The following AFF3 variants were observed in gnomAD, a reference collection of about 807,000 sequenced individuals.
AFF3 encodes AF4/FMR2 family member 3.
AFF3 carries 32 observed loss-of-function variants against 129.7 expected under a neutral mutation model. The ratio of observed to expected loss-of-function variants is 0.25; its 90% confidence interval spans 0.19 to 0.33. AFF3 has a LOEUF of 0.33. Ranked by LOEUF, AFF3 falls within the 10% of genes least tolerant of loss-of-function variation. The pLI is 1.00. For missense variants in AFF3, 1,373 were observed against 1,592.0 expected (o/e 0.86, Z 2.34); for synonymous variants, 644 against 635.4 (o/e 1.01, Z -0.20).
At chr2:99,710,946 C>T (rs993612257) in intron 11 of AFF3, among the ~76,000 whole-genome samples, 2 of 152,122 alleles carry the variant, frequency 1.3e-5, no homozygotes, top group Non-Finnish European at 2.9e-5. Flanking sequence ...GCCAGCTACT[C>T]GGAATGTCAG....
chr2:100,119,879 T>A (rs1002198575), intron 2 of AFF3, among the ~76,000 whole-genome samples: 2 of 152,190 alleles, frequency 1.3e-5, no homozygotes, highest in African/African-American at 4.8e-5. Context: ...TTTGAAGGAA[T>A]GTCTAACAGT....
chr2:99,909,857 T>C (rs1694995159), intron 7 of AFF3, among the ~76,000 whole-genome samples: 1 of 152,188 alleles, frequency 6.6e-6, no homozygotes, highest in Non-Finnish European at 1.5e-5. Context: ...CCTATCTTTA[T>C]GCAGTTGTGA....
intron 8 of AFF3, among the ~76,000 whole-genome samples, chr2:99,770,495 A>C (rs542318126): frequency 6.6e-6 from 1 of 152,286 alleles, no homozygotes; most frequent in East Asian, 1.9e-4. Flanking sequence ...CCAAGCTGGT[A>C]CCTAAGGTGC....
At chr2:99,714,783 A>G (rs926334714) in intron 11 of AFF3, among the ~76,000 whole-genome samples, 1 of 152,212 alleles carries the variant, frequency 6.6e-6, no homozygotes, top group Non-Finnish European at 1.5e-5. Context: ...TTTAGCACAC[A>G]ATTGTTCCTC....
chr2:100,133,606 C>T (rs915648810), intron 1 of AFF3, among the ~76,000 whole-genome samples: 1 of 152,116 alleles, frequency 6.6e-6, no homozygotes, highest in Admixed American at 6.6e-5. Flanking sequence ...GTGCCTGGCT[C>T]TCATGTACTA....
intron 7 of AFF3, among the ~76,000 whole-genome samples, chr2:99,952,590 T>C (rs1676267775): frequency 6.6e-6 from 1 of 152,216 alleles, no homozygotes; most frequent in African/African-American, 2.4e-5. Context: ...TGTGTTATTA[T>C]TTCTAGGCTT....
intron 8 of AFF3, among the ~76,000 whole-genome samples, chr2:99,827,609 G>T (rs1576115540): frequency 6.6e-6 from 1 of 151,394 alleles, no homozygotes; most frequent in South Asian, 2.1e-4. Context: ...TAGTTAGGAA[G>T]GAAGAAAGAG....
chr2:100,052,743 T>G (rs142080860), intron 4 of AFF3, among the ~76,000 whole-genome samples: 2 of 152,248 alleles, frequency 1.3e-5, no homozygotes, highest in East Asian at 3.9e-4. Flanking sequence ...TATGTCCAGA[T>G]AGAACACTGC....
chr2:99,977,854 C>T (rs1036797157), intron 7 of AFF3, among the ~76,000 whole-genome samples: 1 of 152,216 alleles, frequency 6.6e-6, no homozygotes, highest in African/African-American at 2.4e-5. Flanking sequence ...ACCTCATCTG[C>T]AATGCATGCC....
intron 4 of AFF3, among the ~76,000 whole-genome samples, chr2:100,076,938 T>C (rs1164963351): frequency 6.6e-6 from 1 of 152,124 alleles, no homozygotes; most frequent in Non-Finnish European, 1.5e-5. Context: ...CTTAAGAGAC[T>C]GTGCAGATGT....
intron 7 of AFF3, among the ~76,000 whole-genome samples, chr2:99,983,285 C>A (rs938111838): frequency 5.3e-5 from 8 of 152,166 alleles, no homozygotes; most frequent in Admixed American, 5.2e-4. Context: ...CTTCATCTAG[C>A]CCATTTGCTC....
At chr2:100,016,887 ATGGTGGTGG>A in intron 4 of AFF3, among the ~76,000 whole-genome samples, 1 of 148,982 alleles carries the variant, frequency 6.7e-6, no homozygotes, top group South Asian at 2.2e-4. Context: ...ACTGATGGTG[ATGGTGGTGG>A]TGGTGATGAT....
chr2:99,662,043 G>C (rs11123791), intron 12 of AFF3, among the ~76,000 whole-genome samples: 1 of 151,798 alleles, frequency 6.6e-6, no homozygotes, highest in Non-Finnish European at 1.5e-5. Flanking sequence ...AGGAGGCTGA[G>C]GCAGGAGAAT....
At chr2:99,792,965 C>T (rs1377222076) in intron 8 of AFF3, among the ~76,000 whole-genome samples, 1 of 152,178 alleles carries the variant, frequency 6.6e-6, no homozygotes, top group East Asian at 1.9e-4. Context: ...ATTTCTTCCT[C>T]AACCGGTAAC....
intron 4 of AFF3, among the ~76,000 whole-genome samples, chr2:100,039,297 G>A (rs370269616): frequency 5.3e-5 from 8 of 152,160 alleles, no homozygotes; most frequent in Admixed American, 3.9e-4. Context: ...AGTGGCTCTG[G>A]CCTATAGACT....
chr2:99,846,579 GACAA>G (rs1220977831), intron 7 of AFF3, among the ~76,000 whole-genome samples: 5 of 152,328 alleles, frequency 3.3e-5, no homozygotes, highest in African/African-American at 7.2e-5. Flanking sequence ...AAGCTTGCAA[GACAA>G]ACAGAGTAAT....
chr2:100,016,803 G>A (rs2104828779), intron 4 of AFF3, among the ~76,000 whole-genome samples: 1 of 150,864 alleles, frequency 6.6e-6, no homozygotes, highest in African/African-American at 2.4e-5. Context: ...AATGGTGATG[G>A]CAGTGATGCT....
intron 13 of AFF3, among the ~76,000 whole-genome samples, chr2:99,627,208 T>A (rs961006187): frequency 6.6e-6 from 1 of 152,198 alleles, no homozygotes; most frequent in African/African-American, 2.4e-5. Context: ...TGTATAACGT[T>A]CCTTTTTCTC....
chr2:100,079,064 A>G (rs1688829998), intron 4 of AFF3, among the ~76,000 whole-genome samples: 1 of 150,886 alleles, frequency 6.6e-6, no homozygotes, highest in Admixed American at 6.6e-5. Flanking sequence ...CTCCTGCCTC[A>G]GCCTCCCGAG....
Sources: gnomAD v4.1 joint callset for allele counts (sites outside exome capture counted in the v4.1 genomes callset) on GRCh38, gnomAD v4.1.1 for gene constraint, MANE v1.5 for transcripts, NCBI Gene and HGNC (gene_info 2026-07-23, HGNC 2026-07-21) for gene names.